The following KCNK10 variants were observed in gnomAD, a reference collection of about 807,000 sequenced individuals.
KCNK10 encodes potassium channel subfamily K member 10.
In KCNK10, 25 loss-of-function variants were observed where a neutral mutation model predicts 47.7. That is an observed-to-expected ratio of 0.52 (90% confidence interval 0.38 to 0.73). The LOEUF is 0.73. Among genes scored for constraint, KCNK10 ranks in the 30% least tolerant of loss-of-function variants. The pLI is 0.00. For synonymous variants in KCNK10, 303 were observed against 285.6 expected, an observed-to-expected ratio of 1.06 and a Z score of -0.61; for missense variants, 563 against 714.5, an observed-to-expected ratio of 0.79 and a Z score of 2.42.
intron 1 of KCNK10, among the ~76,000 whole-genome samples, chr14:88,271,980 C>G (rs962899086): frequency 2.0e-5 from 3 of 149,704 alleles, no homozygotes; most frequent in African/African-American, 7.4e-5. Flanking sequence ...CCCCAGAGAA[C>G]AAGGTTATCA....
intron 2 of KCNK10, among the ~76,000 whole-genome samples, chr14:88,246,545 T>C (rs1450505301): frequency 6.6e-6 from 1 of 152,228 alleles, no homozygotes; most frequent in Non-Finnish European, 1.5e-5. Context: ...CACATATAAA[T>C]ATTCCACAGC....
At chr14:88,296,765 T>C (rs1887993090) in intron 1 of KCNK10, among the ~76,000 whole-genome samples, 1 of 152,244 alleles carries the variant, frequency 6.6e-6, no homozygotes, top group Non-Finnish European at 1.5e-5. Context: ...TGAGTCCTAG[T>C]GTCCCTGGAC....
At chr14:88,324,472 A>G (rs1888621637), upstream of KCNK10, among the ~76,000 whole-genome samples, 1 of 152,214 alleles carries the variant, frequency 6.6e-6, no homozygotes, top group Admixed American at 6.5e-5. Context: ...AAGTAGTTTA[A>G]ACCCCTACTC....
rs991842855 is a variant in KCNK10, at chr14:88,189,358, A to G, written c.869-1249T>C. On this transcript the variant is annotated intron_variant, in intron 5 of 6. Coordinates refer to ENST00000319231, the MANE Select transcript of KCNK10 (RefSeq NM_138317.3). ...TTCCTTTCAGACAACTCTCTCCTGCATCATTAGAGCTGTAGGATACGATCT... is the reference window on the plus strand; with the variant it reads ...TTCCTTTCAGACAACTCTCTCCTGCGTCATTAGAGCTGTAGGATACGATCT... Among the ~76,000 whole-genome samples, 5 of 152,164 alleles carry G rather than the reference A, an allele frequency of 3.3e-5. No homozygotes were observed. In the East Asian group the frequency reaches 9.6e-4, roughly 29 times the overall value.
intron 1 of KCNK10, among the ~76,000 whole-genome samples, chr14:88,293,678 CCTT>C (rs776867124): frequency 5.9e-5 from 9 of 151,730 alleles, no homozygotes; most frequent in Non-Finnish European, 1.0e-4. Context: ...TTCTCCTCCT[CCTT>C]CTTCTTTTTT....
upstream of KCNK10, among the ~76,000 whole-genome samples, chr14:88,324,799 C>G (rs1888627865): frequency 6.6e-6 from 1 of 152,190 alleles, no homozygotes; most frequent in Non-Finnish European, 1.5e-5. Context: ...TCAGCAGCAT[C>G]TTTCTCACCA....
At chr14:88,237,375 ACT>A (rs1394178695) in intron 3 of KCNK10, among the ~76,000 whole-genome samples, 2 of 152,074 alleles carry the variant, frequency 1.3e-5, no homozygotes, top group Non-Finnish European at 2.9e-5. Flanking sequence ...CTTCTTCCAA[ACT>A]CTTGTTAATG....
chr14:88,216,259 G>A (rs1885616094), intron 4 of KCNK10, among the ~76,000 whole-genome samples: 1 of 152,174 alleles, frequency 6.6e-6, no homozygotes, highest in Non-Finnish European at 1.5e-5. Flanking sequence ...CATTGGTGGA[G>A]GCACCAGAGC....
rs569885377 is a variant in KCNK10, at chr14:88,318,417, T to C, written c.52+4330A>G. Among the ~76,000 whole-genome samples, 47 of 152,128 alleles carry C rather than the reference T, an allele frequency of 3.1e-4. No homozygotes were observed. In the East Asian group the frequency reaches 8.5e-3, roughly 28 times the overall value. ...GCTGGCATCAAATGTCACCCATGAG[T>C]AAGTGAGATGGTTTCAAATCATGAC... On this transcript the variant is annotated intron_variant, in intron 1 of 6. Transcript: ENST00000319231.
At position 88,240,819 on chromosome 14, in the gene KCNK10, T is replaced by C. The variant is rs1264947040; in HGVS notation, c.404A>G (p.His135Arg). Residue 135 changes from histidine (H) to arginine (R), a missense_variant and splice_region_variant, in exon 3 of 7, where the codon CAT becomes CGT. Transcript: ENST00000319231. Reference protein sequence around the residue: ...SPQELETLIQHALDADNAGVS... With the variant: ...SPQELETLIQRALDADNAGVS... ...TCCCGCATTGTCAGCATCAAGAGCA[T>C]GCTGCAAAGAAAGGGAAAAAGCATA... The C allele has an allele frequency of 2.5e-6, 4 of 1,594,268 alleles. No individual in the cohort carries two copies. The Admixed American group carries it at 6.7e-5, about 27-fold the overall frequency.
intron 4 of KCNK10, among the ~76,000 whole-genome samples, chr14:88,220,042 T>C (rs534268211): frequency 2.6e-4 from 40 of 152,184 alleles, no homozygotes; most frequent in African/African-American, 9.2e-4. Context: ...AGATTTTTCT[T>C]CCATAAAAGG....
chr14:88,325,943 G>T (rs1888651707), upstream of KCNK10, among the ~76,000 whole-genome samples: 1 of 151,590 alleles, frequency 6.6e-6, no homozygotes, highest in South Asian at 2.1e-4. Context: ...GTTATAAGGG[G>T]AGGGTTGGGG....
chr14:88,237,997 G>T (rs1190953401), intron 3 of KCNK10, among the ~76,000 whole-genome samples: 3 of 152,204 alleles, frequency 2.0e-5, no homozygotes, highest in African/African-American at 7.2e-5. Context: ...AGGCTGTTTT[G>T]TCTATAATGA....
At chr14:88,249,211 C>T (rs569370685) in intron 2 of KCNK10, among the ~76,000 whole-genome samples, 3 of 152,296 alleles carry the variant, frequency 2.0e-5, no homozygotes, top group East Asian at 3.9e-4. Context: ...TTAAGCTGCA[C>T]CAGCAGGCTT....
At chr14:88,239,129 A>C (rs1241516349) in intron 3 of KCNK10, among the ~76,000 whole-genome samples, 4 of 152,188 alleles carry the variant, frequency 2.6e-5, no homozygotes, top group Admixed American at 2.6e-4. Flanking sequence ...AGAGACACAG[A>C]GTGGAGCACA....
At chr14:88,217,574 A>C (rs1295674034) in intron 4 of KCNK10, among the ~76,000 whole-genome samples, 1 of 152,164 alleles carries the variant, frequency 6.6e-6, no homozygotes, top group African/African-American at 2.4e-5. Flanking sequence ...ATATTTTTAG[A>C]GACAGGGCCT....
chr14:88,259,274 T>C (rs771030413), intron 2 of KCNK10, among the ~76,000 whole-genome samples: 13 of 152,210 alleles, frequency 8.5e-5, no homozygotes, highest in Middle Eastern at 3.2e-3. Context: ...GGTGCAATGA[T>C]TTGACACAGA....
Position 88,322,966 on chromosome 14 carries a change from A to C in KCNK10, c.-168T>G. 6.9e-7 allele frequency: 1 copy of C among 1,454,924 alleles called. No individual in the cohort carries two copies. Among genetic ancestry groups the C allele is most frequent in the South Asian group, 1.4e-5 (1 of 70,110 alleles). 90.1% of individuals were successfully genotyped at this position (1,454,924 alleles called of 1,614,324 possible). A position where few individuals can be genotyped will look rare whatever the true frequency, so the allele number is the denominator to read the frequency against. ...AGAAAAAGACAGGTGGGAAAATATT[A>C]GCTTGGGGGAGAACTGGAGAGGGCT... is the stretch of plus-strand genomic sequence containing the variant. On this transcript the variant is annotated 5_prime_UTR_variant, in exon 1 of 7. Transcript: ENST00000319231. This position sits in a 1 kb window ranked among gnomAD's most constrained non-coding sequence, Gnocchi z 4.8.
chr14:88,274,484 G>A (rs1887481309), intron 1 of KCNK10, among the ~76,000 whole-genome samples: 1 of 139,016 alleles, frequency 7.2e-6, no homozygotes, highest in Admixed American at 7.7e-5. Flanking sequence ...TTGGGAGGAG[G>A]AGGTTGCAGT....
Sources: allele counts gnomAD v4.1 joint callset (sites outside exome capture counted in the v4.1 genomes callset), GRCh38; gene constraint gnomAD v4.1.1; non-coding constraint Gnocchi (gnomAD v3.1); transcripts MANE v1.5; gene names NCBI Gene and HGNC (gene_info 2026-07-23, HGNC 2026-07-21).